The following FAT2 variants were observed in gnomAD, a reference collection of about 807,000 sequenced individuals.
The protein encoded by FAT2 is FAT atypical cadherin 2.
In FAT2, 150 loss-of-function variants were observed where a neutral mutation model predicts 295.3. The ratio of observed to expected loss-of-function variants is 0.51; its 90% CI spans 0.44 to 0.58. The LOEUF (loss-of-function observed/expected upper bound fraction) is 0.58. Ranked by LOEUF, FAT2 falls within the 20% of genes least tolerant of loss-of-function variation. FAT2 has a pLI of 0.00. For missense variants in FAT2, 4,868 were observed against 5,442.7 expected (o/e 0.89, Z 3.32); for synonymous variants, 2,026 against 2,150.3 (o/e 0.94, Z 1.60).
intron 1 of FAT2, among the ~76,000 whole-genome samples, chr5:151,580,946 A>G (rs1247898928): frequency 6.6e-6 from 1 of 152,104 alleles, no homozygotes; most frequent in Non-Finnish European, 1.5e-5. Context: ...AGCAAAAGGA[A>G]TACTGTTCCT....
intron 1 of FAT2, among the ~76,000 whole-genome samples, chr5:151,573,823 G>A (rs367852539): frequency 1.9e-4 from 29 of 152,218 alleles, no homozygotes; most frequent in African/African-American, 5.8e-4. Flanking sequence ...TCTTGATTCC[G>A]ACATTCAGAA....
intron 1 of FAT2, among the ~76,000 whole-genome samples, chr5:151,578,960 G>C (rs371747813): frequency 5.3e-5 from 8 of 152,318 alleles, no homozygotes; most frequent in African/African-American, 1.9e-4. Context: ...ACAGTGAATA[G>C]AATGATGGTT....
At chr5:151,506,543 G>C (rs1760893321) in intron 23 of FAT2, among the ~76,000 whole-genome samples, 1 of 152,204 alleles carries the variant, frequency 6.6e-6, no homozygotes, top group South Asian at 2.1e-4. Context: ...CAGGAGACCA[G>C]GAGCCCTTGG....
At chr5:151,579,134 C>T (rs1285496524) in intron 1 of FAT2, among the ~76,000 whole-genome samples, 1 of 152,164 alleles carries the variant, frequency 6.6e-6, no homozygotes, top group Non-Finnish European at 1.5e-5. Flanking sequence ...AATCCAGCCC[C>T]AATTCTGGGG....
rs758801976 is a variant in FAT2 at position 151,568,865 on chromosome 5, C to G, written c.67G>C (p.Glu23Gln). The G allele has an allele frequency of 6.2e-7, 1 of 1,613,866 alleles. No individual in the cohort carries two copies. Among genetic ancestry groups the G allele is most frequent in the Admixed American group, 1.7e-5 (1 of 59,982 alleles). The change falls in exon 2 of 24, where the codon GAA becomes CAA. Residue 23 changes from glutamate to glutamine, a missense_variant. This residue lies in a region of FAT2 where 3,297 missense variants were observed against 3,669.4 expected (regional missense o/e 0.90). Coordinates refer to ENST00000261800, the MANE Select transcript of FAT2 (RefSeq NM_001447.3). Reference protein sequence around the residue: ...LHCATCEKPLEGILSSSAWHF... With the variant: ...LHCATCEKPLQGILSSSAWHF... ...CAAGCAGAGGAGGAGAGAATCCCTT[C>G]TAGAGGCTTCTCACAGGTCGCACAA... is the stretch of plus-strand genomic sequence containing the variant.
chr5:151,505,515 G>A lies in FAT2; in HGVS notation c.*50C>T. The A allele has an allele frequency of 1.2e-6, 2 of 1,606,976 alleles. No homozygotes were observed. The highest frequency in any genetic ancestry group is 8.5e-7 in the Non-Finnish European group (1 of 1,176,974). On this transcript the variant is annotated 3_prime_UTR_variant, in exon 24 of 24. Transcript: ENST00000261800. The stretch of plus-strand genomic sequence containing the variant: ...CCCCCTACGAGACAGGAAGAAATAA[G>A]CCAAGTCCAGTCCTTGGCCTCCCGC...
chr5:151,509,873 G>C, intron 22 of FAT2, 148 bp downstream of exon 22: 1 of 888,488 alleles, frequency 1.1e-6, no homozygotes, highest in South Asian at 2.0e-5. Context: ...AAAAGGTTGG[G>C]GACCACTGCC....
At chr5:151,572,799 T>C (rs1364993825) in intron 1 of FAT2, among the ~76,000 whole-genome samples, 5 of 152,360 alleles carry the variant, frequency 3.3e-5, no homozygotes, top group African/African-American at 9.6e-5. Context: ...GTCCAGCCTG[T>C]GCCCCAACAC....
At chr5:151,513,566 G>C (rs575169948) in intron 20 of FAT2, among the ~76,000 whole-genome samples, 1 of 152,240 alleles carries the variant, frequency 6.6e-6, no homozygotes, top group Non-Finnish European at 1.5e-5. Flanking sequence ...ACGCAAAGAA[G>C]GGAACAATAG....
Position 151,545,718 on chromosome 5 carries a change from T to G in FAT2, c.5409A>C (p.Lys1803Asn). 1 of 1,614,132 alleles carries G rather than the reference T, an allele frequency of 6.2e-7. No homozygotes were observed. The highest frequency in any genetic ancestry group is 8.5e-7 in the Non-Finnish European group (1 of 1,180,028). The change falls in exon 10 of 24, where the codon AAA becomes AAC. Residue 1803 changes from lysine to asparagine, a missense_variant. Transcript: ENST00000261800. ...ACTTCAAGGCCTCCGGCTCCAAAATTTTATAGACCAACAAGGAATTAGCTT... is the reference window on the plus strand; with the variant it reads ...ACTTCAAGGCCTCCGGCTCCAAAATGTTATAGACCAACAAGGAATTAGCTT... Reference protein sequence around the residue: ...DKEANSLLVYKILEPEALKFF... With the variant: ...DKEANSLLVYNILEPEALKFF...
In FAT2 at chr5:151,516,399, C is replaced by G. The variant is rs938430831; in HGVS notation, c.11463+1221G>C. On this transcript the variant is annotated intron_variant, in intron 20 of 23. Coordinates refer to ENST00000261800, the MANE Select transcript of FAT2 (RefSeq NM_001447.3). ...AGCGTGGTTGCACACACCTGTAATT[C>G]CAGCTACTCCAGAGACTGAGACACA... Among the ~76,000 whole-genome samples the G allele has an allele frequency of 3.3e-5, 5 of 152,056 alleles. No individual in the cohort carries two copies. The East Asian group carries it at 9.6e-4, about 29-fold the overall frequency.
Position 151,531,649 on chromosome 5 carries a change from T to C in FAT2, c.9749A>G (p.Lys3250Arg). The change falls in exon 14 of 24, where the codon AAG (lysine) becomes AGG (arginine). Residue 3250 changes from lysine to arginine, a missense_variant. By Grantham distance (26) the Lys-to-Arg change is conservative. Around this residue, in one of 5 missense-constraint regions of FAT2, gnomAD observed 1,046 missense variants for 1,210.1 expected, o/e 0.86. Transcript: ENST00000261800. The surrounding 1 kb of genome is among the most constrained non-coding windows in gnomAD (Gnocchi z 5.7). ...LATLTRPGAE[K>R]TGYRVVSGNE... ...CCCGCTGACCACGCGGTAGCCGGTC[T>C]TCTCTGCGCCCGGGCGAGTGAGGGT... is the stretch of plus-strand genomic sequence containing the variant. 6.2e-7 allele frequency: 1 copy of C among 1,613,746 alleles called. No individual in the cohort carries two copies. The highest frequency in any genetic ancestry group is 1.7e-5 in the Admixed American group (1 of 60,014).
chr5:151,542,030 A>G (rs1162143683), intron 10 of FAT2, among the ~76,000 whole-genome samples: 1 of 152,246 alleles, frequency 6.6e-6, no homozygotes, highest in Non-Finnish European at 1.5e-5. Flanking sequence ...AATGAGACAT[A>G]CTTTTTGCAA....
intron 10 of FAT2, 34 bp from the exon 11 acceptor site, chr5:151,540,797 G>A (rs770308902): frequency 6.3e-7 from 1 of 1,583,590 alleles, no homozygotes; most frequent in South Asian, 1.1e-5. Context: ...CAGAAGCCAA[G>A]CAATAGGAAT....
At chr5:151,561,818 G>A (rs1264963989) in intron 3 of FAT2, among the ~76,000 whole-genome samples, 1 of 152,258 alleles carries the variant, frequency 6.6e-6, no homozygotes, top group Non-Finnish European at 1.5e-5. Context: ...ACTTTTGAAA[G>A]TGTTCATGCT....
At position 151,566,301 on chromosome 5, in the gene FAT2, A is replaced by G. The variant is rs3734057; in HGVS notation, c.2631T>C (p.Val877=). ...CTGATTCGCGGTCCAGGTGTCCTGT[A>G]ACAACCAGTTCCCCAGTGAGAGGGT... is the stretch of plus-strand genomic sequence containing the variant. The part of the protein sequence containing the change: ...SLHPLTGELV[V]TGHLDRESEP... Residue 877 remains valine, a synonymous_variant, in exon 2 of 24, where the codon GTT becomes GTC. Transcript: ENST00000261800. 812,824 of 1,613,766 alleles carry G rather than the reference A, an allele frequency of 0.5. 208,027 individuals are homozygous for G. Among genetic ancestry groups the G allele is most frequent in the Non-Finnish European group, 0.53 (623,932 of 1,179,916 alleles).
Position 151,542,360 on chromosome 5 carries a change from C to T in FAT2, c.8767G>A (p.Glu2923Lys), listed in dbSNP as rs777011886. ...AGGGTCTTTAGAGTCGCCACCAGTTCGCCAGGCTCACTGTTCTCAACCACA... is the reference window on the plus strand; with the variant it reads ...AGGGTCTTTAGAGTCGCCACCAGTTTGCCAGGCTCACTGTTCTCAACCACA... Reference protein sequence around the residue: ...GSVVENSEPGELVATLKTLDA... With the variant: ...GSVVENSEPGKLVATLKTLDA... Residue 2923 changes from glutamate to lysine, a missense_variant, in exon 10 of 24, where the codon GAA (glutamate) becomes AAA (lysine). Coordinates refer to ENST00000261800, the MANE Select transcript of FAT2 (RefSeq NM_001447.3). 8.7e-6 allele frequency: 14 copies of T among 1,614,100 alleles called. No individual in the cohort carries two copies. Among genetic ancestry groups the T allele is most frequent in the African/African-American group, 1.3e-5 (1 of 75,032 alleles).
At chr5:151,527,157 G>T in intron 17 of FAT2, 77 bp downstream of exon 17, 1 of 1,414,976 alleles carries the variant, frequency 7.1e-7, no homozygotes, top group Non-Finnish European at 9.7e-7. Flanking sequence ...GTGGACTAAT[G>T]CCACTGAGGG....
At chr5:151,582,945 A>G (rs149378409) in intron 1 of FAT2, among the ~76,000 whole-genome samples, 333 of 152,248 alleles carry the variant, frequency 2.2e-3, no homozygotes, top group Non-Finnish European at 3.9e-3. Flanking sequence ...GGAAAGCAAC[A>G]GATCTGAGCT....
Sources: gnomAD v4.1 joint callset for allele counts (sites outside exome capture counted in the v4.1 genomes callset) on GRCh38, gnomAD v4.1.1 for gene constraint, gnomAD v4.1.1 regional missense constraint, Gnocchi (gnomAD v3.1) non-coding constraint, MANE v1.5 for transcripts, NCBI Gene and HGNC (gene_info 2026-07-23, HGNC 2026-07-21) for gene names.